The following AKAP13 variants were observed in gnomAD, a reference collection of about 807,000 sequenced individuals.
The protein encoded by AKAP13 is A-kinase anchor protein 13.
Under a neutral mutation model 264.5 loss-of-function variants are expected in AKAP13, and 80 were observed. The ratio of observed to expected loss-of-function variants is 0.30; its 90% confidence interval spans 0.25 to 0.36. The LOEUF (loss-of-function observed/expected upper bound fraction) is 0.36, where lower values mean the gene tolerates loss of function less well. AKAP13 is among the 10% of genes least tolerant of loss of function. AKAP13 has a pLI of 1.00. For synonymous variants in AKAP13, 1,380 were observed against 1,250.2 expected (o/e 1.10, Z -2.19); for missense variants, 3,712 against 3,435.2 (o/e 1.08, Z -2.01).
At chr15:85,487,443 T>C (rs1361754664) in intron 2 of AKAP13, among the ~76,000 whole-genome samples, 1 of 152,248 alleles carries the variant, frequency 6.6e-6, no homozygotes, top group East Asian at 1.9e-4. Context: ...CTTCTATTCC[T>C]AGTTTGACTA....
intron 2 of AKAP13, among the ~76,000 whole-genome samples, chr15:85,512,784 T>G (rs1343588662): frequency 6.6e-6 from 1 of 152,186 alleles, no homozygotes; most frequent in Non-Finnish European, 1.5e-5. Context: ...TTTCTCACCT[T>G]TACCATGCTC....
At chr15:85,696,851 C>A (rs1567200494) in intron 17 of AKAP13, among the ~76,000 whole-genome samples, 1 of 152,098 alleles carries the variant, frequency 6.6e-6, no homozygotes, top group Non-Finnish European at 1.5e-5. Flanking sequence ...GGGACTGAGA[C>A]CCCTGTATAA....
chr15:85,439,200 C>A (rs1192976423), intron 1 of AKAP13, among the ~76,000 whole-genome samples: 1 of 151,362 alleles, frequency 6.6e-6, no homozygotes, highest in Non-Finnish European at 1.5e-5. Context: ...ATTTATGCAG[C>A]CAAAAAACAC....
chr15:85,656,599 A>G (rs1015297151), intron 11 of AKAP13, among the ~76,000 whole-genome samples: 1 of 152,096 alleles, frequency 6.6e-6, no homozygotes, highest in Admixed American at 6.5e-5. Context: ...GGCGCCCGCC[A>G]CCACGCCTGG....
At chr15:85,654,514 T>G (rs559329087) in intron 10 of AKAP13, among the ~76,000 whole-genome samples, 1 of 152,124 alleles carries the variant, frequency 6.6e-6, no homozygotes, top group African/African-American at 2.4e-5. Context: ...CTAACATAAA[T>G]TTGATATTTT....
chr15:85,709,891 T>G (rs2086540895), intron 18 of AKAP13, among the ~76,000 whole-genome samples: 1 of 152,098 alleles, frequency 6.6e-6, no homozygotes, highest in Admixed American at 6.5e-5. Flanking sequence ...TTTCGCCATG[T>G]TGGCTGGGCT....
chr15:85,582,248 C>T (rs1204960505), intron 7 of AKAP13, 141 bp downstream of exon 7: 3 of 934,354 alleles, frequency 3.2e-6, no homozygotes, highest in Non-Finnish European at 4.6e-6. Flanking sequence ...TTAATAGTCA[C>T]CACCATCAGG....
intron 1 of AKAP13, among the ~76,000 whole-genome samples, chr15:85,464,311 G>A (rs35317423): frequency 1.3e-5 from 2 of 152,096 alleles, no homozygotes; most frequent in African/African-American, 4.8e-5. Context: ...ATACAGTCTA[G>A]AATTTAAAAA....
intron 2 of AKAP13, among the ~76,000 whole-genome samples, chr15:85,513,693 A>G (rs1250591451): frequency 6.6e-6 from 1 of 152,236 alleles, no homozygotes; most frequent in East Asian, 1.9e-4. Context: ...TAATCACAGC[A>G]GGGTAGATAC....
intron 1 of AKAP13, among the ~76,000 whole-genome samples, chr15:85,462,253 T>C (rs2074548314): frequency 6.6e-6 from 1 of 152,190 alleles, no homozygotes; most frequent in Non-Finnish European, 1.5e-5. Flanking sequence ...CATTGGAACA[T>C]GAAGAAAGAG....
At chr15:85,619,151 TGGGAGG>T (rs1027970117) in intron 8 of AKAP13, among the ~76,000 whole-genome samples, 2 of 150,334 alleles carry the variant, frequency 1.3e-5, no homozygotes, top group Non-Finnish European at 3.0e-5. Context: ...TTCATAGGGG[TGGGAGG>T]AGGAGGAGGA....
At chr15:85,705,587 G>A (rs1199403890) in intron 17 of AKAP13, among the ~76,000 whole-genome samples, 1 of 140,694 alleles carries the variant, frequency 7.1e-6, no homozygotes, top group Non-Finnish European at 1.6e-5. Context: ...AACTTTGAAC[G>A]ACATTAGAGT....
At chr15:85,729,363 A>C (rs1042549656) in intron 29 of AKAP13, among the ~76,000 whole-genome samples, 2 of 152,140 alleles carry the variant, frequency 1.3e-5, no homozygotes, top group Admixed American at 6.6e-5. Context: ...AAGGAGACAG[A>C]GTCTCTCACA....
At chr15:85,688,175 A>T (rs532094624) in intron 16 of AKAP13, among the ~76,000 whole-genome samples, 2 of 152,196 alleles carry the variant, frequency 1.3e-5, no homozygotes, top group East Asian at 3.9e-4. Context: ...AAATGGTAAC[A>T]TAAAAATTAA....
At chr15:85,675,365 A>G (rs894420915) in intron 14 of AKAP13, among the ~76,000 whole-genome samples, 2 of 152,236 alleles carry the variant, frequency 1.3e-5, no homozygotes, top group African/African-American at 2.4e-5. Flanking sequence ...GCAACAGCAA[A>G]TAGTGATGTC....
chr15:85,613,048 G>C (rs1169137532), intron 8 of AKAP13, among the ~76,000 whole-genome samples: 4 of 152,114 alleles, frequency 2.6e-5, no homozygotes, highest in African/African-American at 9.7e-5. Flanking sequence ...GTGCTGGACT[G>C]TCTTATGTTC....
intron 1 of AKAP13, among the ~76,000 whole-genome samples, chr15:85,414,063 G>T (rs1230071817): frequency 6.6e-6 from 1 of 151,974 alleles, no homozygotes; most frequent in African/African-American, 2.4e-5. Flanking sequence ...GAGGAAAAAA[G>T]GTGTAACTCT....
chr15:85,443,401 C>G (rs2073781267), intron 1 of AKAP13, among the ~76,000 whole-genome samples: 1 of 152,260 alleles, frequency 6.6e-6, no homozygotes, highest in Non-Finnish European at 1.5e-5. Context: ...TAAGTATTAA[C>G]TAATTACTAG....
Position 85,727,949 on chromosome 15 carries a change from C to T in AKAP13, c.7087+486C>T, listed in dbSNP as rs895026619. ...AGGGTATGTATCAATCTATGTTTGA[C>T]CCTTATTTATTGAGTGCTGACTGTT... On this transcript the variant is annotated intron_variant, in intron 29 of 36. Coordinates refer to ENST00000394518, the MANE Select transcript of AKAP13 (RefSeq NM_007200.5). The surrounding 1 kb of genome is among the most constrained non-coding windows in gnomAD (Gnocchi z 5.3). 2.2e-4 allele frequency among the ~76,000 whole-genome samples: 34 copies of T among 152,164 alleles called. No individual in the cohort carries two copies. Among genetic ancestry groups the T allele is most frequent in the African/African-American group, 8.2e-4 (34 of 41,434 alleles).
Sources: gnomAD v4.1 joint callset for allele counts (sites outside exome capture counted in the v4.1 genomes callset) on GRCh38, gnomAD v4.1.1 for gene constraint, Gnocchi (gnomAD v3.1) non-coding constraint, MANE v1.5 for transcripts, NCBI Gene and HGNC (gene_info 2026-07-23, HGNC 2026-07-21) for gene names.